Variants in POLG observed in about 807,000 individuals in gnomAD.
POLG encodes DNA polymerase subunit gamma-1.
In POLG, 110 loss-of-function variants were observed where a neutral mutation model predicts 155.4. The ratio of observed to expected loss-of-function variants is 0.71; its 90% CI spans 0.61 to 0.83. POLG has a LOEUF of 0.83. POLG is among the 40% of genes least tolerant of loss of function. The probability of loss-of-function intolerance (pLI) is 0.00; values close to 1 mark genes in which losing one functional copy is unlikely to be tolerated. For missense variants in POLG, 1,685 were observed against 1,627.5 expected, an observed-to-expected ratio of 1.04 and a Z score of -0.61; for synonymous variants, 701 against 631.5, an observed-to-expected ratio of 1.11 and a Z score of -1.65.
At position 89,321,264 on chromosome 15, in the gene POLG, TG is replaced by T. The variant is rs746472843; in HGVS notation, c.2599-5del. 4 of 1,613,858 alleles carry T rather than the reference TG, an allele frequency of 2.5e-6. No individual in the cohort carries two copies. Among genetic ancestry groups the T allele is most frequent in the Middle Eastern group, 1.6e-4 (1 of 6,082 alleles). ...ACTCACTGCCTACTCGGTCAGGCTG[TG>T]GGAAGAGTGAGATACCCAAATGAGA... On this transcript the variant is annotated splice_polypyrimidine_tract_variant and splice_region_variant and intron_variant, in intron 16 of 22. Coordinates refer to ENST00000268124, the MANE Select transcript of POLG (RefSeq NM_002693.3).
chr15:89,323,446 G>A lies in POLG; in HGVS notation c.2223C>T (p.Asp741=), dbSNP rs553677452. The change falls in exon 13 of 23, where the codon GAC becomes GAT. Residue 741 remains aspartate, a synonymous_variant. Coordinates refer to ENST00000268124, the MANE Select transcript of POLG (RefSeq NM_002693.3). ...SYHHGNGPYN[D]VDIPGCWFFK... is the part of the protein sequence containing the mutation. Reference sequence around the variant, plus strand: ...AAAACCAGCAGCCAGGGATGTCCACGTCGTTGTAAGGTCCATTGCCATGGT... The same window carrying A: ...AAAACCAGCAGCCAGGGATGTCCACATCGTTGTAAGGTCCATTGCCATGGT... The A allele has an allele frequency of 1.1e-5, 18 of 1,614,016 alleles. No homozygotes were observed. The highest frequency in any genetic ancestry group is 3.3e-4 in the Middle Eastern group (2 of 6,058).
Position 89,317,459 on chromosome 15 carries a change from C to T in POLG, c.3560G>A (p.Arg1187Gln), listed in dbSNP as rs199678775. ...CATGGTCACTTCCTTCCTGAGGCAC[C>T]GGTCAATATCGACTGCACTGAAAAA... The part of the protein sequence containing the change: ...VAFFSAVDID[R>Q]CLRKEVTMDC... The change falls in exon 22 of 23, where the codon CGG (arginine) becomes CAG (glutamine). Residue 1187 changes from arginine (R) to glutamine (Q), a missense_variant. Coordinates refer to ENST00000268124, the MANE Select transcript of POLG (RefSeq NM_002693.3). 2.0e-5 allele frequency: 32 copies of T among 1,613,926 alleles called. No homozygotes were observed. Among genetic ancestry groups the T allele is most frequent in the Admixed American group, 3.3e-5 (2 of 60,012 alleles).
At chr15:89,317,038 G>C (rs908234860) in intron 22 of POLG, 10 of 598,942 alleles carry the variant, frequency 1.7e-5, no homozygotes, top group Non-Finnish European at 2.9e-5. Flanking sequence ...TAAGCTTTCT[G>C]ATTTACTTGT....
rs1567194019 is a variant in POLG, at chr15:89,333,287, C to T, written c.468G>A (p.Leu156=). ...TCGGGGGCAGCTGGGCCTGCAACAG[C>T]AAGTTGGCCGCCTCCAGGTAGGGCA... The part of the protein sequence containing the change: ...QSLPYLEAAN[L]LLQAQLPPKP... Residue 156 remains leucine, a synonymous_variant, in exon 2 of 23, where the codon TTG becomes TTA. Transcript: ENST00000268124. 3.9e-6 allele frequency: 6 copies of T among 1,555,830 alleles called. No homozygotes were observed. The highest frequency in any genetic ancestry group is 1.4e-5 in the African/African-American group (1 of 73,318).
intron 2 of POLG, among the ~76,000 whole-genome samples, chr15:89,330,731 CAAA>C (rs746090028): frequency 8.5e-6 from 1 of 117,928 alleles, no homozygotes; most frequent in Non-Finnish European, 1.8e-5. Context: ...ATTGAATTGG[CAAA>C]AAAAAAAAAA....
At chr15:89,316,898 G>A in intron 22 of POLG, 71 bp from the exon 23 acceptor site, 1 of 1,086,292 alleles carries the variant, frequency 9.2e-7, no homozygotes, top group East Asian at 2.3e-5. Flanking sequence ...AGTGAGCAAA[G>A]GAGCTTAATG....
intron 6 of POLG, among the ~76,000 whole-genome samples, chr15:89,328,070 C>T (rs866312036): frequency 6.6e-6 from 1 of 152,168 alleles, no homozygotes; most frequent in South Asian, 2.1e-4. Context: ...ATTTTCCTCC[C>T]TTCTTTTTTC....
At position 89,321,657 on chromosome 15, in the gene POLG, T is replaced by C. The variant is rs1431108558; in HGVS notation, c.2598+79A>G. On this transcript the variant is annotated intron_variant, in intron 16 of 22. Coordinates refer to ENST00000268124, the MANE Select transcript of POLG (RefSeq NM_002693.3). ...GGTCCTTTTCATGATCCTCACTAAA[T>C]ACCTAAAGGCCCTCAGAGCCCAGTT... The C allele has an allele frequency of 1.4e-5, 14 of 1,020,748 alleles. No homozygotes were observed. The South Asian group carries it at 1.4e-4, about 10-fold the overall frequency. The allele number at this position is 1,020,748 out of a possible 1,614,324, so 63.2% of individuals were successfully genotyped here. A position where few individuals can be genotyped will look rare whatever the true frequency, so the allele number is the denominator to read the frequency against.
intron 18 of POLG, among the ~76,000 whole-genome samples, chr15:89,320,230 C>T (rs538582409): frequency 6.6e-6 from 1 of 152,326 alleles, no homozygotes; most frequent in South Asian, 2.1e-4. Flanking sequence ...TACCTCTCTT[C>T]CCTCAATGTT....
intron 13 of POLG, 110 bp from the exon 14 acceptor site, chr15:89,323,012 T>TG: frequency 9.0e-7 from 1 of 1,109,010 alleles, no homozygotes; most frequent in Non-Finnish European, 1.3e-6. Flanking sequence ...ACCTCAGCAG[T>TG]CTGAGGCAAA....
At chr15:89,323,279 ACT>A in intron 13 of POLG, 123 bp downstream of exon 13, 2 of 715,068 alleles carry the variant, frequency 2.8e-6, no homozygotes, top group South Asian at 1.5e-5. Flanking sequence ...CTGAAATCAC[ACT>A]CTGTCCCACT....
chr15:89,323,152 C>T lies in POLG; in HGVS notation c.2266-250G>A, dbSNP rs55836219. On this transcript the variant is annotated intron_variant, in intron 13 of 22. Transcript: ENST00000268124. ...AATAACAAATCGGAAAAACCTATCA[C>T]GTACCAGATGTCGTACCAAACATAC... Among the ~76,000 whole-genome samples, 86 of 152,344 alleles carry T rather than the reference C, an allele frequency of 5.6e-4. 1 individual carries two copies. The highest frequency in any genetic ancestry group is 3.4e-3 in the Middle Eastern group (1 of 294).
At chr15:89,325,077 T>TGA (rs1258640017) in intron 10 of POLG, among the ~76,000 whole-genome samples, 2 of 72,848 alleles carry the variant, frequency 2.7e-5, no homozygotes, top group Admixed American at 1.2e-4. Context: ...AGTGAGTGAG[T>TGA]GAGTGAGAGA....
In POLG at chr15:89,325,235, A is replaced by AGTGAGTGAGTGAGT. The variant is rs1338854820; in HGVS notation, c.1949+214_1949+215insACTCACTCACTCAC. On this transcript the variant is annotated intron_variant, in intron 10 of 22. Transcript: ENST00000268124. ...GTGAGTGAGTGAGAGAGTGAGTGAG[A>AGTGAGTGAGTGAGT]GAGTGAGTGAGTGAGAGAGAGAGTG... Among the ~76,000 whole-genome samples, 3 of 76,472 alleles carry AGTGAGTGAGTGAGT rather than the reference A, an allele frequency of 3.9e-5. 1 individual carries two copies. Among genetic ancestry groups the AGTGAGTGAGTGAGT allele is most frequent in the Non-Finnish European group, 2.3e-5 (1 of 43,758 alleles). The allele number at this position is 76,472 out of a possible 152,430, so 50.2% of individuals were successfully genotyped here.
At chr15:89,318,014 C>A in intron 21 of POLG, 1 of 295,134 alleles carries the variant, frequency 3.4e-6, no homozygotes. Context: ...ATATTTAATT[C>A]ATCCATATGA....
At position 89,334,698 on chromosome 15, in the gene POLG, C is replaced by G. The variant is rs539562406; in HGVS notation, c.-185G>C. 8 of 152,448 alleles carry G rather than the reference C, an allele frequency of 5.2e-5. No individual in the cohort carries two copies. Among genetic ancestry groups the G allele is most frequent in the African/African-American group, 1.9e-4 (8 of 41,508 alleles). The allele number at this position is 152,448 out of a possible 1,614,324, so 9.4% of individuals were successfully genotyped here. On this transcript the variant is annotated 5_prime_UTR_variant, in exon 1 of 23. Transcript: ENST00000268124. ...CTCGGTCCTCACGGTGCTTCCCGGTCTGCTGCTCCCCCGACCCCAGGCCCA... is the reference window on the plus strand; with the variant it reads ...CTCGGTCCTCACGGTGCTTCCCGGTGTGCTGCTCCCCCGACCCCAGGCCCA...
intron 3 of POLG, among the ~76,000 whole-genome samples, chr15:89,329,730 A>G (rs2055570158): frequency 6.6e-6 from 1 of 152,188 alleles, no homozygotes; most frequent in African/African-American, 2.4e-5. Flanking sequence ...AAAAAAGGAA[A>G]CTAAGACTTA....
At chr15:89,316,924 G>T in intron 22 of POLG, 97 bp from the exon 23 acceptor site, 2 of 893,980 alleles carry the variant, frequency 2.2e-6, no homozygotes, top group Admixed American at 1.8e-5. Context: ...GTCAAAAGGA[G>T]AGTGAAAGGT....
At position 89,325,051 on chromosome 15, in the gene POLG, AGT is replaced by A. The variant is rs1189184515; in HGVS notation, c.1949+397_1949+398del. Among the ~76,000 whole-genome samples, 138 of 126,054 alleles carry A rather than the reference AGT, an allele frequency of 1.1e-3. 25 individuals carry two copies. Among genetic ancestry groups the A allele is most frequent in the African/African-American group, 4.1e-3 (105 of 25,362 alleles). 82.7% of individuals were successfully genotyped at this position (126,054 alleles called of 152,430 possible). Reference sequence around the variant, plus strand: ...CCTGAACCCAGAGAGTGAGTGAGTGAGTGAGAGAGTGAGTGAGTGAGTGAGTG... The same window carrying A: ...CCTGAACCCAGAGAGTGAGTGAGTGAGAGAGAGTGAGTGAGTGAGTGAGTG... On this transcript the variant is annotated intron_variant, in intron 10 of 22. Coordinates refer to ENST00000268124, the MANE Select transcript of POLG (RefSeq NM_002693.3).
Sources: gnomAD v4.1 joint callset for allele counts (sites outside exome capture counted in the v4.1 genomes callset) on GRCh38, gnomAD v4.1.1 for gene constraint, MANE v1.5 for transcripts, NCBI Gene and HGNC (gene_info 2026-07-23, HGNC 2026-07-21) for gene names.